TMTC4: variants seen among roughly 807,000 people sequenced by gnomAD.
TMTC4 encodes the protein protein O-mannosyl-transferase TMTC4.
In TMTC4, 65 loss-of-function variants were observed where a neutral mutation model predicts 86.0. That is an observed-to-expected ratio of 0.76 (90% CI 0.62 to 0.93). The LOEUF is 0.93. TMTC4 is among the 40% of genes least tolerant of loss of function. The probability of loss-of-function intolerance (pLI) is 0.00; values close to 1 mark genes in which losing one functional copy is unlikely to be tolerated. For synonymous variants in TMTC4, 379 were observed against 382.5 expected (o/e 0.99, Z 0.11); for missense variants, 866 against 948.1 (o/e 0.91, Z 1.14).
intron 2 of TMTC4, 147 bp downstream of exon 2, chr13:100,670,213 A>T: frequency 3.8e-6 from 3 of 796,138 alleles, no homozygotes; most frequent in Non-Finnish European, 5.7e-6. Context: ...GTTTGGATGT[A>T]TTTGTTTCTG....
chr13:100,635,024 CT>C lies in TMTC4; in HGVS notation c.1373del (p.Lys458ArgfsTer17). 1 of 1,611,008 alleles carries C rather than the reference CT, an allele frequency of 6.2e-7. No individual in the cohort carries two copies. The highest frequency in any genetic ancestry group is 1.1e-5 in the South Asian group (1 of 90,614). ...AGCTGGCACCACTCTCAGTTGATAC[CT>C]TTTTCTTGGTATGTTTGCTCAGGGC... Reference protein sequence around the residue: ...FGALSKHTKKKKLIAAVVLGI... With the variant: ...FGALSKHTKKXKLIAAVVLGI... On this transcript the variant is annotated frameshift_variant and splice_region_variant, in exon 11 of 19. Coordinates refer to ENST00000342624, the MANE Select transcript of TMTC4 (RefSeq NM_032813.5). LOFTEE classifies it high-confidence loss of function.
intron 6 of TMTC4, among the ~76,000 whole-genome samples, chr13:100,654,204 T>A (rs958075535): frequency 2.0e-5 from 3 of 152,218 alleles, no homozygotes; most frequent in African/African-American, 7.2e-5. Context: ...AAGCTTTCTA[T>A]GGAAGCCACA....
intron 12 of TMTC4, among the ~76,000 whole-genome samples, chr13:100,632,708 T>G (rs7999997): frequency 0.18 from 27,985 of 152,138 alleles, 2,863 homozygotes; most frequent in Admixed American, 0.24. Context: ...TTTACTTAAG[T>G]TTCATAATAA....
At chr13:100,674,839 G>GCCCGCCGCGCACCCGACCCCC (rs1555353255), upstream of TMTC4, 96 of 968,360 alleles carry the variant, frequency 9.9e-5, no homozygotes, top group Middle Eastern at 5.4e-4. Context: ...GGGAGGGGCC[G>GCCCGCCGCGCACCCGACCCCC]CCCGCCGCGC....
intron 12 of TMTC4, among the ~76,000 whole-genome samples, chr13:100,632,053 A>ACACACACACTCTCTCTCT (rs1296569630): frequency 1.3e-3 from 58 of 43,104 alleles, no homozygotes; most frequent in Non-Finnish European, 1.3e-3. Flanking sequence ...ACACACACAC[A>ACACACACACTCTCTCTCT]CTCTCTCTCT....
intron 3 of TMTC4, chr13:100,666,034 T>C (rs933126864): frequency 2.2e-5 from 10 of 456,544 alleles, no homozygotes; most frequent in African/African-American, 1.2e-4. Context: ...GATCTTTTCC[T>C]CCCTTTGAAC....
chr13:100,650,922 C>A (rs1242524682), intron 6 of TMTC4, among the ~76,000 whole-genome samples: 1 of 152,176 alleles, frequency 6.6e-6, no homozygotes, highest in Non-Finnish European at 1.5e-5. Flanking sequence ...ATCCCAAGAG[C>A]AAGATTTATC....
At chr13:100,618,857 G>A (rs939013034) in intron 15 of TMTC4, among the ~76,000 whole-genome samples, 12 of 152,088 alleles carry the variant, frequency 7.9e-5, no homozygotes, top group Admixed American at 3.3e-4. Flanking sequence ...TTCTTAGTAC[G>A]GAACAAAATG....
chr13:100,665,238 G>A (rs1886253105), intron 3 of TMTC4, among the ~76,000 whole-genome samples: 1 of 152,188 alleles, frequency 6.6e-6, no homozygotes, highest in Admixed American at 6.5e-5. Context: ...AATGAGAAGA[G>A]AGGCAAACAA....
In TMTC4 at chr13:100,635,600, A is replaced by G. The variant is rs1882109411; in HGVS notation, c.1203-405T>C. ...TCCCAATCAGTTTTCACGGGGAAAA[A>G]AAAATTCCTCCAAAATGTAATGAGA... On this transcript the variant is annotated intron_variant, in intron 10 of 18. Transcript: ENST00000342624. 5 of 154,484 alleles carry G rather than the reference A, an allele frequency of 3.2e-5. No individual in the cohort carries two copies. The South Asian group carries it at 1.0e-3, about 32-fold the overall frequency. The allele number at this position is 154,484 out of a possible 1,614,324, so 9.6% of individuals were successfully genotyped here.
In TMTC4 at chr13:100,663,181, C is replaced by T. The variant is rs1179282772; in HGVS notation, c.336-1G>A. ...GCCTCCCGAGAGGTAGTAGTTAATC[C>T]TGCAGAAACACAGGGTGTTCAGGGT... On this transcript the variant is annotated splice_acceptor_variant, in intron 4 of 18. Transcript: ENST00000342624. LOFTEE classifies it high-confidence loss of function. 3 of 1,614,130 alleles carry T rather than the reference C, an allele frequency of 1.9e-6. No homozygotes were observed. The highest frequency in any genetic ancestry group is 2.5e-6 in the Non-Finnish European group (3 of 1,180,002).
chr13:100,672,592 G>A (rs567649841), intron 1 of TMTC4, among the ~76,000 whole-genome samples: 1 of 152,180 alleles, frequency 6.6e-6, no homozygotes, highest in Non-Finnish European at 1.5e-5. Context: ...CTGGGCTCAA[G>A]GGACCCTTCC....
At chr13:100,674,678 G>A (rs1887616500) in intron 1 of TMTC4, 66 bp downstream of exon 1, 1 of 982,042 alleles carries the variant, frequency 1.0e-6, no homozygotes, top group Middle Eastern at 5.2e-4. Flanking sequence ...ACCCGCGCCC[G>A]CTCCGCGTCC....
At chr13:100,634,732 G>T in intron 12 of TMTC4, 73 bp downstream of exon 12, 1 of 1,538,332 alleles carries the variant, frequency 6.5e-7, no homozygotes, top group South Asian at 1.3e-5. Flanking sequence ...GACAGGAAAT[G>T]TTCTTATTCA....
intron 6 of TMTC4, among the ~76,000 whole-genome samples, chr13:100,643,327 C>T (rs990138755): frequency 1.3e-5 from 2 of 152,198 alleles, no homozygotes; most frequent in African/African-American, 4.8e-5. Context: ...GGTCTGAATG[C>T]CTATGGCTCT....
At chr13:100,651,496 C>A (rs1305832640) in intron 6 of TMTC4, among the ~76,000 whole-genome samples, 7 of 73,062 alleles carry the variant, frequency 9.6e-5, no homozygotes, top group African/African-American at 2.5e-4. Flanking sequence ...ATTTATGCAC[C>A]AAAAAAAAAA....
At chr13:100,663,510 T>C (rs969291411) in intron 4 of TMTC4, among the ~76,000 whole-genome samples, 8 of 152,106 alleles carry the variant, frequency 5.3e-5, no homozygotes, top group South Asian at 2.1e-4. Flanking sequence ...TCCAAGAAGA[T>C]ATAATATTCC....
At chr13:100,668,511 C>A in intron 3 of TMTC4, 68 bp downstream of exon 3, 1 of 1,479,874 alleles carries the variant, frequency 6.8e-7, no homozygotes, top group Non-Finnish European at 9.3e-7. Context: ...CAATGCAACA[C>A]ATACTTAGAT....
intron 5 of TMTC4, among the ~76,000 whole-genome samples, chr13:100,656,694 C>G (rs746090135): frequency 2.0e-5 from 3 of 151,944 alleles, no homozygotes; most frequent in Non-Finnish European, 4.4e-5. Context: ...GAGGCGCACA[C>G]CACCACAGCT....
Sources: gnomAD v4.1 joint callset for allele counts (sites outside exome capture counted in the v4.1 genomes callset) on GRCh38, gnomAD v4.1.1 for gene constraint, MANE v1.5 for transcripts, NCBI Gene and HGNC (gene_info 2026-07-23, HGNC 2026-07-21) for gene names.